ZNF804B: variants seen among roughly 807,000 people sequenced by gnomAD.
ZNF804B encodes zinc finger protein 804B, also known as zinc finger 804B.
Under a neutral mutation model 101.4 loss-of-function variants are expected in ZNF804B, and 80 were observed. That is an observed-to-expected ratio of 0.79 (90% CI 0.66 to 0.95). The LOEUF is 0.95. ZNF804B is among the 40% of genes least tolerant of loss of function. ZNF804B has a pLI of 0.00. For synonymous variants in ZNF804B, 622 were observed against 558.8 expected (o/e 1.11, Z -1.59); for missense variants, 1,673 against 1,561.9 (o/e 1.07, Z -1.20).
At chr7:89,309,154 T>C (rs1362176864) in intron 2 of ZNF804B, among the ~76,000 whole-genome samples, 1 of 152,082 alleles carries the variant, frequency 6.6e-6, no homozygotes, top group Non-Finnish European at 1.5e-5. Flanking sequence ...CCTTCCCCAC[T>C]TTGAAATCCC....
intron 1 of ZNF804B, among the ~76,000 whole-genome samples, chr7:88,768,481 GC>G (rs1453034207): frequency 6.6e-6 from 1 of 152,182 alleles, no homozygotes; most frequent in African/African-American, 2.4e-5. Context: ...ACTTTGGGAG[GC>G]CCAGGTGGGC....
chr7:88,930,048 A>C (rs1792860313), intron 1 of ZNF804B, among the ~76,000 whole-genome samples: 1 of 151,866 alleles, frequency 6.6e-6, no homozygotes, highest in Non-Finnish European at 1.5e-5. Context: ...CATAGTCTTA[A>C]ATTTATATAT....
intron 1 of ZNF804B, among the ~76,000 whole-genome samples, chr7:88,860,583 T>A (rs1305205017): frequency 6.6e-6 from 1 of 152,098 alleles, no homozygotes; most frequent in Non-Finnish European, 1.5e-5. Flanking sequence ...ATCAGCAGGA[T>A]TATTGTATTA....
intron 2 of ZNF804B, among the ~76,000 whole-genome samples, chr7:89,308,775 C>T (rs1009206968): frequency 2.6e-5 from 4 of 152,106 alleles, no homozygotes; most frequent in Admixed American, 2.6e-4. Flanking sequence ...CATACAGTTC[C>T]TGTGGCAAGG....
At chr7:89,123,775 A>C (rs1038233870) in intron 1 of ZNF804B, among the ~76,000 whole-genome samples, 1 of 152,138 alleles carries the variant, frequency 6.6e-6, no homozygotes, top group African/African-American at 2.4e-5. Flanking sequence ...AGGATGAGTA[A>C]ATTGCCAAAG....
chr7:88,913,526 C>G (rs1584013138), intron 1 of ZNF804B, among the ~76,000 whole-genome samples: 1 of 152,132 alleles, frequency 6.6e-6, no homozygotes. Flanking sequence ...TCTGGAGGAG[C>G]TGGGATTACA....
At chr7:88,865,224 G>A (rs1456863311) in intron 1 of ZNF804B, among the ~76,000 whole-genome samples, 1 of 98,080 alleles carries the variant, frequency 1.0e-5, no homozygotes, top group East Asian at 4.2e-4. Context: ...GCAAGACTTC[G>A]TATCAAAAAA....
In ZNF804B at chr7:89,335,721, A is replaced by G; in HGVS notation, c.2739A>G (p.Ser913=). ...GTGGCCCTTCAGAAACCACAGAATC[A>G]AACACTGCAGAAGGAGAGAGGACCC... The part of the protein sequence containing the change: ...CSSGPSETTE[S]NTAEGERTPL... The change falls in exon 4 of 4, where the codon TCA becomes TCG. Residue 913 remains serine, a synonymous_variant. Transcript: ENST00000333190. 1 of 1,614,096 alleles carries G rather than the reference A, an allele frequency of 6.2e-7. No individual in the cohort carries two copies. The highest frequency in any genetic ancestry group is 8.5e-7 in the Non-Finnish European group (1 of 1,179,980).
chr7:88,779,231 G>T (rs1201511780), intron 1 of ZNF804B, among the ~76,000 whole-genome samples: 2 of 152,184 alleles, frequency 1.3e-5, no homozygotes, highest in African/African-American at 4.8e-5. Context: ...TAGACTTAAT[G>T]AATCAGAATG....
At chr7:89,179,815 T>A (rs925150269) in intron 1 of ZNF804B, among the ~76,000 whole-genome samples, 3 of 152,174 alleles carry the variant, frequency 2.0e-5, no homozygotes, top group African/African-American at 7.2e-5. Flanking sequence ...AAGGGAATTG[T>A]GTGTTGTGAT....
intron 1 of ZNF804B, among the ~76,000 whole-genome samples, chr7:89,110,883 C>T (rs942802736): frequency 6.6e-6 from 1 of 152,058 alleles, no homozygotes; most frequent in African/African-American, 2.4e-5. Flanking sequence ...CATCTCTCCT[C>T]TCCTCCCACC....
chr7:88,965,323 G>A (rs1024817309), intron 1 of ZNF804B, among the ~76,000 whole-genome samples: 1 of 151,236 alleles, frequency 6.6e-6, no homozygotes, highest in Non-Finnish European at 1.5e-5. Context: ...TCTTTGTTTT[G>A]GAAGCTGGAA....
intron 1 of ZNF804B, among the ~76,000 whole-genome samples, chr7:88,788,647 T>C (rs1790337460): frequency 6.6e-6 from 1 of 152,210 alleles, no homozygotes; most frequent in African/African-American, 2.4e-5. Context: ...TTTACCATTG[T>C]ATCTTCAGGG....
intron 1 of ZNF804B, among the ~76,000 whole-genome samples, chr7:88,897,860 A>T (rs1792313007): frequency 6.6e-6 from 1 of 151,828 alleles, no homozygotes; most frequent in South Asian, 2.1e-4. Flanking sequence ...TTGGGGGAAG[A>T]ATAGTACTTT....
chr7:88,811,387 A>T lies in ZNF804B; in HGVS notation c.108+51303A>T, dbSNP rs183319643. Among the ~76,000 whole-genome samples the T allele has an allele frequency of 2.5e-3, 382 of 152,352 alleles. 14 individuals carry two copies. Among genetic ancestry groups the T allele is most frequent in the Admixed American group, 0.023 (359 of 15,306 alleles). ...TGCGGAGAGATACGAACACTTTTAC[A>T]CTGTTGGCGGGCATGTAAATTAGTT... On this transcript the variant is annotated intron_variant, in intron 1 of 3. Coordinates refer to ENST00000333190, the MANE Select transcript of ZNF804B (RefSeq NM_181646.5).
intron 1 of ZNF804B, among the ~76,000 whole-genome samples, chr7:88,837,881 TC>T (rs896749596): frequency 1.3e-5 from 2 of 151,838 alleles, no homozygotes; most frequent in African/African-American, 4.8e-5. Context: ...ACCACTAATC[TC>T]CCCAAGTTTT....
rs59130381 is a variant in ZNF804B, at chr7:89,334,252, G to T, written c.1270G>T (p.Val424Phe). 14 of 1,613,550 alleles carry T rather than the reference G, an allele frequency of 8.7e-6. No homozygotes were observed. The highest frequency in any genetic ancestry group is 3.3e-5 in the Admixed American group (2 of 59,882). ...LDKTERVSKN[V>F]QRLVKEACTH... ...TAAAACAGAAAGAGTTAGCAAAAATGTTCAAAGACTTGTAAAAGAAGCATG... is the reference window on the plus strand; with the variant it reads ...TAAAACAGAAAGAGTTAGCAAAAATTTTCAAAGACTTGTAAAAGAAGCATG... The change falls in exon 4 of 4, where the codon GTT becomes TTT. Residue 424 changes from valine to phenylalanine, a missense_variant. By Grantham distance (50) the Val-to-Phe change is conservative. Coordinates refer to ENST00000333190, the MANE Select transcript of ZNF804B (RefSeq NM_181646.5).
Position 89,139,591 on chromosome 7 carries a change from C to T in ZNF804B, c.109-78564C>T, listed in dbSNP as rs138958459. ...TTCATCAATGTTCACAGCATCTTCA[C>T]CAGGAATAGATTACATCTCAAAAAA... On this transcript the variant is annotated intron_variant, in intron 1 of 3. Coordinates refer to ENST00000333190, the MANE Select transcript of ZNF804B (RefSeq NM_181646.5). Among the ~76,000 whole-genome samples the T allele has an allele frequency of 2.0e-5, 3 of 152,148 alleles. No homozygotes were observed. The East Asian group carries it at 5.8e-4, about 30-fold the overall frequency.
intron 1 of ZNF804B, among the ~76,000 whole-genome samples, chr7:88,861,451 T>A (rs1025625881): frequency 6.6e-6 from 1 of 152,200 alleles, no homozygotes; most frequent in African/African-American, 2.4e-5. Context: ...ACTGGAATAG[T>A]ACAAATACCA....
Sources: allele counts gnomAD v4.1 joint callset (sites outside exome capture counted in the v4.1 genomes callset), GRCh38; gene constraint gnomAD v4.1.1; transcripts MANE v1.5; gene names NCBI Gene and HGNC (gene_info 2026-07-23, HGNC 2026-07-21).